PDPN: variants seen among roughly 807,000 people sequenced by gnomAD.
The protein encoded by PDPN is podoplanin.
In PDPN, 12 loss-of-function variants were observed where a neutral mutation model predicts 23.2. The observed-to-expected ratio is 0.52, with a 90% CI of 0.33 to 0.84. The LOEUF is 0.84. Ranked by LOEUF, PDPN falls within the 40% of genes least tolerant of loss-of-function variation. The pLI is 0.02. For synonymous variants in PDPN, 77 were observed against 76.7 expected (o/e 1.00, Z -0.02); for missense variants, 199 against 212.2 (o/e 0.94, Z 0.39).
intron 2 of PDPN, among the ~76,000 whole-genome samples, 192 bp from the exon 3 acceptor site, chr1:13,610,195 T>C (rs958838474): frequency 8.5e-5 from 13 of 152,250 alleles, no homozygotes; most frequent in Non-Finnish European, 1.5e-4. Context: ...TTGTGAATAA[T>C]GCTGCTATGA....
chr1:13,588,570 TTA>T (rs1491231238), intron 1 of PDPN, among the ~76,000 whole-genome samples: 1 of 147,840 alleles, frequency 6.8e-6, no homozygotes, highest in East Asian at 1.9e-4. Context: ...AATATTTTTA[TTA>T]TATATAATAT....
intron 1 of PDPN, among the ~76,000 whole-genome samples, chr1:13,596,947 T>C (rs903557029): frequency 2.0e-5 from 3 of 152,068 alleles, no homozygotes; most frequent in African/African-American, 7.2e-5. Flanking sequence ...TGCTGGAAAA[T>C]GTTGGAGGTT....
At chr1:13,607,084 G>A in intron 1 of PDPN, 89 bp from the exon 2 acceptor site, 1 of 1,424,214 alleles carries the variant, frequency 7.0e-7, no homozygotes, top group Non-Finnish European at 9.5e-7. Context: ...CAAAAGAAAT[G>A]GAAAAGAAAA....
chr1:13,599,373 CTTTTTTTTT>C lies in PDPN; in HGVS notation c.68-7778_68-7770del, dbSNP rs70984267. Reference sequence around the variant, plus strand: ...TATCTTGATGTGTTCGAGAAGCTATCTTTTTTTTTTTTTTTTTTTTTTTTTTTTTTCAGA... The same window carrying C: ...TATCTTGATGTGTTCGAGAAGCTATCTTTTTTTTTTTTTTTTTTTTTCAGA... On this transcript the variant is annotated intron_variant, in intron 1 of 5. Coordinates refer to ENST00000621990, the MANE Select transcript of PDPN (RefSeq NM_006474.5). Among the ~76,000 whole-genome samples, 137 of 77,090 alleles carry C rather than the reference CTTTTTTTTT, an allele frequency of 1.8e-3. 1 individual carries two copies. The highest frequency in any genetic ancestry group is 7.5e-3 in the Admixed American group (43 of 5,756). The allele number at this position is 77,090 out of a possible 152,430, so 50.6% of individuals were successfully genotyped here.
chr1:13,617,062 G>A lies in PDPN; in HGVS notation c.*1151G>A, dbSNP rs564323771. On this transcript the variant is annotated 3_prime_UTR_variant, in exon 6 of 6. Coordinates refer to ENST00000621990, the MANE Select transcript of PDPN (RefSeq NM_006474.5). Reference sequence around the variant, plus strand: ...CTCATGACATACCGCAAATATCTGTGGGGTCCTGTTGAAAAGAACAAAATA... The same window carrying A: ...CTCATGACATACCGCAAATATCTGTAGGGTCCTGTTGAAAAGAACAAAATA... 71 of 152,152 alleles carry A rather than the reference G, an allele frequency of 4.7e-4. No individual in the cohort carries two copies. Among genetic ancestry groups the A allele is most frequent in the African/African-American group, 1.6e-3 (65 of 41,512 alleles). The allele number at this position is 152,152 out of a possible 1,614,324, so 9.4% of individuals were successfully genotyped here.
rs1421943911 is a variant in PDPN, at chr1:13,584,322, C to T, written c.67+222C>T. 2.7e-6 allele frequency: 4 copies of T among 1,495,558 alleles called. No individual in the cohort carries two copies. In the African/African-American group the frequency reaches 5.5e-5, roughly 21 times the overall value. 92.6% of individuals were successfully genotyped at this position (1,495,558 alleles called of 1,614,324 possible). ...TGCGCGGGTGTGCCGGGAGGAGCCC[C>T]GGAATCCACAGGCTGCGAGGTGGGC... On this transcript the variant is annotated intron_variant, in intron 1 of 5. Transcript: ENST00000621990.
intron 3 of PDPN, 88 bp from the exon 4 acceptor site, chr1:13,613,599 C>T: frequency 4.1e-6 from 3 of 732,340 alleles, no homozygotes; most frequent in East Asian, 2.7e-5. Context: ...TGCTGCTTTC[C>T]ACTTGGGTAA....
chr1:13,612,463 G>A (rs1640958906), intron 3 of PDPN, among the ~76,000 whole-genome samples: 1 of 152,198 alleles, frequency 6.6e-6, no homozygotes, highest in South Asian at 2.1e-4. Context: ...CTGCCACGTG[G>A]TAGGACGTGA....
chr1:13,597,449 A>T (rs17390097), intron 1 of PDPN, among the ~76,000 whole-genome samples: 1 of 152,176 alleles, frequency 6.6e-6, no homozygotes, highest in Non-Finnish European at 1.5e-5. Context: ...CAGCATCACC[A>T]GTTCAAGATA....
chr1:13,591,200 A>G (rs922997288), intron 1 of PDPN, among the ~76,000 whole-genome samples: 1 of 152,120 alleles, frequency 6.6e-6, no homozygotes, highest in Non-Finnish European at 1.5e-5. Context: ...TCAGCCTCCC[A>G]AAGTTCTGGG....
At position 13,616,167 on chromosome 1, in the gene PDPN, TTCATAGAAAATGG is replaced by T. The variant is rs1641069136; in HGVS notation, c.*257_*269del. ...ATAAAAGATTATTTGAAAGACAAAA[TTCATAGAAAATGG>T]AGCAAAACTGTATAAACTGATTTGT... On this transcript the variant is annotated 3_prime_UTR_variant, in exon 6 of 6. Transcript: ENST00000621990. 1.8e-6 allele frequency: 1 copy of T among 548,952 alleles called. No individual in the cohort carries two copies. Among genetic ancestry groups the T allele is most frequent in the Admixed American group, 3.4e-5 (1 of 29,108 alleles). The allele number at this position is 548,952 out of a possible 1,614,324, so 34.0% of individuals were successfully genotyped here.
chr1:13,608,413 G>A (rs1640848182), intron 2 of PDPN, among the ~76,000 whole-genome samples: 1 of 152,182 alleles, frequency 6.6e-6, no homozygotes, highest in South Asian at 2.1e-4. Context: ...TATCTGACCT[G>A]TACACCAGCA....
At chr1:13,594,718 G>T (rs1640442475) in intron 1 of PDPN, among the ~76,000 whole-genome samples, 1 of 152,130 alleles carries the variant, frequency 6.6e-6, no homozygotes, top group Admixed American at 6.5e-5. Flanking sequence ...TGGGTACGGT[G>T]GCTTACGCCT....
intron 1 of PDPN, among the ~76,000 whole-genome samples, chr1:13,604,166 G>GTGTGCGTGCATATGTATGCC (rs1420510114): frequency 5.3e-5 from 8 of 152,240 alleles, no homozygotes; most frequent in Non-Finnish European, 1.2e-4. Context: ...GTGTATGCGT[G>GTGTGCGTGCATATGTATGCC]TGTGCGTGCA....
At chr1:13,602,206 T>TA (rs1165693855) in intron 1 of PDPN, among the ~76,000 whole-genome samples, 1 of 152,178 alleles carries the variant, frequency 6.6e-6, no homozygotes, top group African/African-American at 2.4e-5. Context: ...TGGGCACCTG[T>TA]AGTCCCAGCT....
intron 1 of PDPN, among the ~76,000 whole-genome samples, chr1:13,598,044 TCTCA>T (rs1330219191): frequency 1.3e-5 from 2 of 152,026 alleles, no homozygotes; most frequent in South Asian, 2.1e-4. Context: ...TTTTCTTTCG[TCTCA>T]CTCTGTTACT....
At chr1:13,609,737 C>T (rs1164675281) in intron 2 of PDPN, among the ~76,000 whole-genome samples, 4 of 152,186 alleles carry the variant, frequency 2.6e-5, no homozygotes, top group Admixed American at 1.3e-4. Context: ...CAAGGTTCAT[C>T]CATGCTATGG....
At chr1:13,586,745 A>G (rs1640188465) in intron 1 of PDPN, among the ~76,000 whole-genome samples, 1 of 140,088 alleles carries the variant, frequency 7.1e-6, no homozygotes, top group Non-Finnish European at 1.5e-5. Context: ...AGATCTTTTT[A>G]CTACACTACT....
chr1:13,606,740 C>T lies in PDPN; in HGVS notation c.68-433C>T, dbSNP rs147942599. 1.1e-3 allele frequency among the ~76,000 whole-genome samples: 169 copies of T among 152,168 alleles called. 1 individual carries two copies. Among genetic ancestry groups the T allele is most frequent in the African/African-American group, 3.8e-3 (159 of 41,518 alleles). On this transcript the variant is annotated intron_variant, in intron 1 of 5. Transcript: ENST00000621990. ...AAAGATGGAGACCCCGCTTTTGCAT[C>T]GGGTCTGCAAAGGGGTGTGTTTAGA...
Sources: allele counts gnomAD v4.1 joint callset (sites outside exome capture counted in the v4.1 genomes callset), GRCh38; gene constraint gnomAD v4.1.1; transcripts MANE v1.5; gene names NCBI Gene and HGNC (gene_info 2026-07-23, HGNC 2026-07-21).